The following ZFYVE9 variants were observed in gnomAD, a reference collection of about 807,000 sequenced individuals.
ZFYVE9 encodes the protein zinc finger FYVE domain-containing protein 9.
In ZFYVE9, 43 loss-of-function variants were observed where a neutral mutation model predicts 126.7. The observed-to-expected ratio is 0.34, with a 90% CI of 0.27 to 0.44. The LOEUF (loss-of-function observed/expected upper bound fraction) is 0.44. Ranked by LOEUF, ZFYVE9 falls within the 20% of genes least tolerant of loss-of-function variation. The pLI, the probability that ZFYVE9 is intolerant of heterozygous loss-of-function variation, is 1.00. For synonymous variants in ZFYVE9, 521 were observed against 597.4 expected, an observed-to-expected ratio of 0.87 and a Z score of 1.87; for missense variants, 1,476 against 1,697.0, an observed-to-expected ratio of 0.87 and a Z score of 2.29.
At chr1:52,325,224 A>G (rs1157994990) in intron 13 of ZFYVE9, among the ~76,000 whole-genome samples, 1 of 152,150 alleles carries the variant, frequency 6.6e-6, no homozygotes, top group Admixed American at 6.5e-5. Context: ...GCTTGCAGTG[A>G]GGCTGAGGCA....
chr1:52,147,092 G>GT (rs1490088138), intron 1 of ZFYVE9, among the ~76,000 whole-genome samples: 1 of 152,088 alleles, frequency 6.6e-6, no homozygotes, highest in Non-Finnish European at 1.5e-5. Context: ...TAGGCTATGC[G>GT]TATAAGTATA....
chr1:52,148,748 C>T (rs1204228623), intron 1 of ZFYVE9, among the ~76,000 whole-genome samples: 1 of 150,618 alleles, frequency 6.6e-6, no homozygotes, highest in African/African-American at 2.4e-5. Flanking sequence ...TTCAAGCGAT[C>T]CTCCTGCCTC....
intron 18 of ZFYVE9, among the ~76,000 whole-genome samples, chr1:52,345,432 G>C (rs1378751781): frequency 6.6e-6 from 1 of 152,184 alleles, no homozygotes; most frequent in African/African-American, 2.4e-5. Flanking sequence ...GCCATTATCA[G>C]GGAATGATGA....
At chr1:52,155,352 AG>A (rs1404117807) in intron 1 of ZFYVE9, among the ~76,000 whole-genome samples, 1 of 147,444 alleles carries the variant, frequency 6.8e-6, no homozygotes, top group African/African-American at 2.5e-5. Context: ...CTCCTGCCTC[AG>A]CCTCCCGAGT....
At chr1:52,173,461 C>A (rs1644592247) in intron 1 of ZFYVE9, among the ~76,000 whole-genome samples, 1 of 152,150 alleles carries the variant, frequency 6.6e-6, no homozygotes, top group Non-Finnish European at 1.5e-5. Flanking sequence ...GTCTCTAATT[C>A]TCTTTTTTGG....
chr1:52,213,091 A>T (rs973622802), intron 1 of ZFYVE9, among the ~76,000 whole-genome samples: 2 of 152,208 alleles, frequency 1.3e-5, no homozygotes, highest in African/African-American at 4.8e-5. Context: ...TCATTACTGT[A>T]ATGCTCATTC....
chr1:52,283,102 A>G (rs1042535173), intron 10 of ZFYVE9, among the ~76,000 whole-genome samples: 1 of 152,172 alleles, frequency 6.6e-6, no homozygotes, highest in Non-Finnish European at 1.5e-5. Context: ...TATAGGGTTA[A>G]ATCTGAAATC....
chr1:52,300,236 A>G (rs1646020457), intron 12 of ZFYVE9, among the ~76,000 whole-genome samples: 1 of 152,162 alleles, frequency 6.6e-6, no homozygotes, highest in Admixed American at 6.5e-5. Flanking sequence ...GGGGAGCAAG[A>G]GCCAGACAAC....
chr1:52,343,893 G>A (rs1646462245), intron 17 of ZFYVE9, among the ~76,000 whole-genome samples: 1 of 152,110 alleles, frequency 6.6e-6, no homozygotes, highest in Admixed American at 6.5e-5. Context: ...CCAACATGGT[G>A]AAACCCCATC....
In ZFYVE9 at chr1:52,295,977, A is replaced by G. The variant is rs1174780592; in HGVS notation, c.3333A>G (p.Ala1111=). 1.2e-6 allele frequency: 2 copies of G among 1,612,692 alleles called. No homozygotes were observed. The highest frequency in any genetic ancestry group is 2.7e-5 in the African/African-American group (2 of 74,852). The change falls in exon 12 of 19, where the codon GCA becomes GCG. Residue 1111 remains alanine, a splice_region_variant and synonymous_variant. Coordinates refer to ENST00000287727, the MANE Select transcript of ZFYVE9 (RefSeq NM_004799.4). The part of the protein sequence containing the change: ...ETGHTIMNLL[A]DFRNYQYTLP... Reference sequence around the variant, plus strand: ...GGCATACCATCATGAATCTTCTTGCAGTAAGTTGGGAATTTTTTTTCCTTT... The same window carrying G: ...GGCATACCATCATGAATCTTCTTGCGGTAAGTTGGGAATTTTTTTTCCTTT...
chr1:52,210,410 A>G (rs1479941002), intron 1 of ZFYVE9, among the ~76,000 whole-genome samples: 1 of 150,298 alleles, frequency 6.7e-6, no homozygotes, highest in South Asian at 2.1e-4. Flanking sequence ...CCTAAACTGT[A>G]CTCTAAGAGA....
intron 4 of ZFYVE9, among the ~76,000 whole-genome samples, chr1:52,261,705 G>C (rs1440559518): frequency 6.6e-6 from 1 of 152,172 alleles, no homozygotes; most frequent in African/African-American, 2.4e-5. Context: ...TGAAGATTAG[G>C]AGAACAGTTA....
chr1:52,338,011 G>C (rs1646404357), intron 16 of ZFYVE9, 77 bp downstream of exon 16: 1 of 1,471,912 alleles, frequency 6.8e-7, no homozygotes, highest in East Asian at 2.4e-5. Context: ...GTCTACATTG[G>C]TGTTTTATAG....
intron 10 of ZFYVE9, among the ~76,000 whole-genome samples, chr1:52,291,941 T>C (rs572143192): frequency 6.8e-6 from 1 of 147,514 alleles, no homozygotes; most frequent in South Asian, 2.2e-4. Context: ...AGATAAGCCC[T>C]AAATTATAGA....
intron 1 of ZFYVE9, among the ~76,000 whole-genome samples, chr1:52,147,941 G>A (rs1384507909): frequency 6.6e-6 from 1 of 151,600 alleles, no homozygotes; most frequent in East Asian, 1.9e-4. Context: ...CTCTATCTGC[G>A]GTTCATAACT....
intron 6 of ZFYVE9, among the ~76,000 whole-genome samples, chr1:52,268,063 G>A (rs898616909): frequency 1.3e-5 from 2 of 152,056 alleles, no homozygotes; most frequent in African/African-American, 4.8e-5. Flanking sequence ...AATTTCTTTG[G>A]AAACCTCATA....
At chr1:52,186,532 C>T (rs778777671) in intron 1 of ZFYVE9, among the ~76,000 whole-genome samples, 4 of 152,084 alleles carry the variant, frequency 2.6e-5, no homozygotes, top group Non-Finnish European at 2.9e-5. Context: ...AACTATCATC[C>T]ATGTTGGCAG....
intron 13 of ZFYVE9, among the ~76,000 whole-genome samples, chr1:52,322,597 C>T (rs941771635): frequency 1.3e-5 from 2 of 151,650 alleles, no homozygotes; most frequent in East Asian, 2.0e-4. Flanking sequence ...AGGCTGGTCT[C>T]GAACTCCTGA....
intron 1 of ZFYVE9, among the ~76,000 whole-genome samples, chr1:52,159,944 C>A (rs578221983): frequency 1.3e-5 from 2 of 151,896 alleles, no homozygotes; most frequent in Admixed American, 6.6e-5. Context: ...TACAGGCACC[C>A]GCCACCATGC....
Sources: allele counts gnomAD v4.1 joint callset (sites outside exome capture counted in the v4.1 genomes callset), GRCh38; gene constraint gnomAD v4.1.1; transcripts MANE v1.5; gene names NCBI Gene and HGNC (gene_info 2026-07-23, HGNC 2026-07-21).